Variants in IPPK observed in about 807,000 individuals in gnomAD.
The protein encoded by IPPK is inositol-pentakisphosphate 2-kinase.
A neutral mutation model predicts 64.6 loss-of-function variants in IPPK; 22 were observed. That is an observed-to-expected ratio of 0.34 (90% CI 0.24 to 0.49). The LOEUF is 0.49. IPPK is among the 20% of genes least tolerant of loss of function. The pLI, the probability that IPPK is intolerant of heterozygous loss-of-function variation, is 0.99. For missense variants in IPPK, 532 were observed against 630.7 expected (o/e 0.84, Z 1.68); for synonymous variants, 262 against 247.2 (o/e 1.06, Z -0.56).
At position 92,658,163 on chromosome 9, in the gene IPPK, G is replaced by A. The variant is rs140320020; in HGVS notation, c.129+471C>T. The stretch of plus-strand genomic sequence containing the variant: ...AAAAGAGAGGGCAATGCTTTTTCAC[G>A]GGTGGTCCATGGCATTTTGCTTGGA... On this transcript the variant is annotated intron_variant, in intron 2 of 12. Coordinates refer to ENST00000287996, the MANE Select transcript of IPPK (RefSeq NM_022755.6). Among the ~76,000 whole-genome samples the A allele has an allele frequency of 4.6e-5, 7 of 152,304 alleles. No individual in the cohort carries two copies. The East Asian group carries it at 1.2e-3, about 25-fold the overall frequency.
At chr9:92,659,114 G>A (rs917524227) in intron 1 of IPPK, among the ~76,000 whole-genome samples, 1 of 152,216 alleles carries the variant, frequency 6.6e-6, no homozygotes, top group African/African-American at 2.4e-5. Flanking sequence ...GGGGCTTACA[G>A]AATGAGCCTA....
At chr9:92,632,907 T>G (rs994139093) in intron 11 of IPPK, among the ~76,000 whole-genome samples, 3 of 152,136 alleles carry the variant, frequency 2.0e-5, no homozygotes, top group Non-Finnish European at 2.9e-5. Context: ...CATGCACATG[T>G]GGGGAGGAGC....
At chr9:92,627,632 G>A (rs1269267222) in intron 11 of IPPK, among the ~76,000 whole-genome samples, 3 of 152,044 alleles carry the variant, frequency 2.0e-5, no homozygotes, top group African/African-American at 7.2e-5. Context: ...TATAGAAAAG[G>A]CATCTAACAG....
rs1255082861 is a variant in IPPK, at chr9:92,635,225, C to T, written c.1000G>A (p.Asp334Asn). ...TACAGAGGGTAGAGGCCTTCGATGTCCAGCAGGTCCAACATCTGCACCTGG... is the reference window on the plus strand; with the variant it reads ...TACAGAGGGTAGAGGCCTTCGATGTTCAGCAGGTCCAACATCTGCACCTGG... ...TLQVQMLDLL[D>N]IEGLYPLYNR... is the part of the protein sequence containing the mutation. The change falls in exon 10 of 13, where the codon GAC (aspartate) becomes AAC (asparagine). Residue 334 changes from aspartate (D) to asparagine (N), a missense_variant. Physicochemically the swap from Asp to Asn is conservative, Grantham distance 23. Transcript: ENST00000287996. This position sits in a 1 kb window ranked among gnomAD's most constrained non-coding sequence, Gnocchi z 4.4. 1 of 1,614,040 alleles carries T rather than the reference C, an allele frequency of 6.2e-7. No homozygotes were observed. Among genetic ancestry groups the T allele is most frequent in the African/African-American group, 1.3e-5 (1 of 74,928 alleles).
intron 6 of IPPK, among the ~76,000 whole-genome samples, chr9:92,643,436 G>A (rs1331613079): frequency 6.6e-6 from 1 of 152,114 alleles, no homozygotes; most frequent in East Asian, 1.9e-4. Flanking sequence ...ATCCACTAGT[G>A]GGACCAGCAC....
At chr9:92,658,741 A>C (rs1019887655) in intron 1 of IPPK, 60 bp from the exon 2 acceptor site, 2 of 1,505,076 alleles carry the variant, frequency 1.3e-6, no homozygotes, top group Non-Finnish European at 1.8e-6. Flanking sequence ...ACAAGGTGTC[A>C]GTCAGTTTGG....
Position 92,636,717 on chromosome 9 carries a change from T to C in IPPK, c.916+1284A>G, listed in dbSNP as rs752905159. ...ATTTATGCTAGTTAAGTAAAGAAAG[T>C]CAAGTTACAAAATGACATGTAGAGT... On this transcript the variant is annotated intron_variant, in intron 9 of 12. Coordinates refer to ENST00000287996, the MANE Select transcript of IPPK (RefSeq NM_022755.6). Among the ~76,000 whole-genome samples the C allele has an allele frequency of 7.2e-5, 11 of 152,038 alleles. 1 individual carries two copies. Among genetic ancestry groups the C allele is most frequent in the Admixed American group, 7.2e-4 (11 of 15,264 alleles).
intron 11 of IPPK, among the ~76,000 whole-genome samples, chr9:92,622,767 C>A (rs945710391): frequency 6.6e-6 from 1 of 151,882 alleles, no homozygotes; most frequent in East Asian, 1.9e-4. Context: ...GCTTTTCCTG[C>A]AGAACTGAGT....
At chr9:92,658,730 C>G in intron 1 of IPPK, 49 bp from the exon 2 acceptor site, 1 of 1,543,438 alleles carries the variant, frequency 6.5e-7, no homozygotes, top group South Asian at 1.1e-5. Flanking sequence ...AAAGCCAAGG[C>G]ACAAGGTGTC....
At chr9:92,627,007 T>C (rs1851746750) in intron 11 of IPPK, among the ~76,000 whole-genome samples, 1 of 151,522 alleles carries the variant, frequency 6.6e-6, no homozygotes, top group African/African-American at 2.4e-5. Context: ...TATATTCAGA[T>C]ACAGAGGGAA....
intron 11 of IPPK, among the ~76,000 whole-genome samples, chr9:92,632,241 G>C (rs1283494351): frequency 6.6e-6 from 1 of 152,142 alleles, no homozygotes; most frequent in Non-Finnish European, 1.5e-5. Context: ...AAATGCCCAG[G>C]AGCACAAGTA....
intron 11 of IPPK, among the ~76,000 whole-genome samples, chr9:92,623,882 C>T (rs573604110): frequency 6.6e-6 from 1 of 152,350 alleles, no homozygotes; most frequent in African/African-American, 2.4e-5. Flanking sequence ...AATGTGTGCA[C>T]ATGTACACAA....
At chr9:92,629,271 GAAC>G (rs1291246209) in intron 11 of IPPK, among the ~76,000 whole-genome samples, 6 of 152,094 alleles carry the variant, frequency 3.9e-5, no homozygotes, top group Non-Finnish European at 8.8e-5. Flanking sequence ...CCAAAAGTAT[GAAC>G]AACCTAAGAA....
intron 5 of IPPK, 130 bp downstream of exon 5, chr9:92,649,323 T>G: frequency 3.9e-6 from 4 of 1,025,780 alleles, no homozygotes; most frequent in East Asian, 5.1e-5. Flanking sequence ...ACAAGTGGAG[T>G]TTCCAGGAGC....
At chr9:92,625,725 G>C (rs1405149919) in intron 11 of IPPK, among the ~76,000 whole-genome samples, 1 of 152,170 alleles carries the variant, frequency 6.6e-6, no homozygotes, top group African/African-American at 2.4e-5. Context: ...TATCAGCACT[G>C]ATTCTAGGAA....
At chr9:92,643,108 A>G (rs534757489) in intron 6 of IPPK, among the ~76,000 whole-genome samples, 1 of 152,356 alleles carries the variant, frequency 6.6e-6, no homozygotes, top group East Asian at 1.9e-4. Flanking sequence ...ACATGGCTAA[A>G]TTTTGGTAAT....
intron 2 of IPPK, among the ~76,000 whole-genome samples, chr9:92,656,848 A>G (rs552905902): frequency 2.0e-5 from 3 of 152,252 alleles, no homozygotes; most frequent in Non-Finnish European, 4.4e-5. Flanking sequence ...GCCCCTACAC[A>G]TGCCTTCCAA....
intron 3 of IPPK, among the ~76,000 whole-genome samples, chr9:92,656,070 C>T (rs989217674): frequency 2.6e-5 from 4 of 152,136 alleles, no homozygotes; most frequent in African/African-American, 4.8e-5. Flanking sequence ...TGTGATAAGC[C>T]GACCCCAGGA....
chr9:92,643,722 G>T (rs1852096377), intron 6 of IPPK, among the ~76,000 whole-genome samples: 1 of 152,208 alleles, frequency 6.6e-6, no homozygotes, highest in African/African-American at 2.4e-5. Flanking sequence ...AAGTACATAT[G>T]GCATGATCCC....
Sources: allele counts gnomAD v4.1 joint callset (sites outside exome capture counted in the v4.1 genomes callset), GRCh38; gene constraint gnomAD v4.1.1; non-coding constraint Gnocchi (gnomAD v3.1); transcripts MANE v1.5; gene names NCBI Gene and HGNC (gene_info 2026-07-23, HGNC 2026-07-21).